The following SP4 variants were observed in gnomAD, a reference collection of about 807,000 sequenced individuals.
The protein encoded by SP4 is Sp4 transcription factor, also known as transcription factor Sp4.
SP4 carries 19 observed loss-of-function variants against 72.8 expected under a neutral mutation model. The observed-to-expected ratio is 0.26, with a 90% CI of 0.18 to 0.38. The LOEUF is 0.38. Ranked by LOEUF, SP4 falls within the 10% of genes least tolerant of loss-of-function variation. The pLI is 1.00. For missense variants in SP4, 1,008 were observed against 926.3 expected (o/e 1.09, Z -1.14); for synonymous variants, 395 against 333.1 (o/e 1.19, Z -2.02).
chr7:21,459,458 G>A (rs1375674408), intron 3 of SP4, among the ~76,000 whole-genome samples: 7 of 151,982 alleles, frequency 4.6e-5, no homozygotes, highest in Non-Finnish European at 8.8e-5. Context: ...AGCTTGCCAT[G>A]GTATATCAGA....
At chr7:21,495,765 A>G (rs1781690411) in intron 5 of SP4, among the ~76,000 whole-genome samples, 1 of 152,184 alleles carries the variant, frequency 6.6e-6, no homozygotes, top group Non-Finnish European at 1.5e-5. Flanking sequence ...AAGAGAAGTA[A>G]GAACTGTGTT....
chr7:21,491,392 G>A (rs1204707095), intron 5 of SP4, among the ~76,000 whole-genome samples: 1 of 152,022 alleles, frequency 6.6e-6, no homozygotes, highest in Non-Finnish European at 1.5e-5. Context: ...AGATTGGGGA[G>A]TCAGAAAAAA....
chr7:21,430,843 G>C lies in SP4; in HGVS notation c.1678G>C (p.Gly560Arg), dbSNP rs1782824871. ...TCCCGTTACAATCACTAGTGTTGCA[G>C]GTAAGTTCTGACATCTTTTTAAGTA... ...GVPVTITSVA[G>R]QQQGQDGVKV... is the part of the protein sequence containing the mutation. Residue 560 changes from glycine (G) to arginine (R), a missense_variant and splice_region_variant, in exon 3 of 6, where the codon GGT (glycine) becomes CGT (arginine). Physicochemically the swap from Gly to Arg is moderately radical, Grantham distance 125. This residue lies in a region of SP4 where 893 missense variants were observed against 743.3 expected (regional missense o/e 1.20). Transcript: ENST00000222584. 2 of 1,599,922 alleles carry C rather than the reference G, an allele frequency of 1.3e-6. No homozygotes were observed. The highest frequency in any genetic ancestry group is 1.3e-5 in the African/African-American group (1 of 74,546).
intron 3 of SP4, among the ~76,000 whole-genome samples, chr7:21,433,573 C>T (rs1236180046): frequency 6.6e-6 from 1 of 152,118 alleles, no homozygotes; most frequent in Non-Finnish European, 1.5e-5. Flanking sequence ...AGGAGTAATG[C>T]CTTGGAATGG....
intron 5 of SP4, among the ~76,000 whole-genome samples, chr7:21,499,396 A>C (rs565563955): frequency 2.0e-5 from 3 of 152,332 alleles, no homozygotes; most frequent in Admixed American, 6.5e-5. Flanking sequence ...ATACTGGATT[A>C]GGGTGGGCCC....
intron 3 of SP4, among the ~76,000 whole-genome samples, chr7:21,463,067 A>T (rs1334936703): frequency 6.6e-6 from 1 of 152,124 alleles, no homozygotes; most frequent in Middle Eastern, 3.2e-3. Context: ...GCACTGATAA[A>T]TAACTTTTCT....
Position 21,428,086 on chromosome 7 carries a change from G to A in SP4, c.-166G>A. 4.5e-6 allele frequency: 3 copies of A among 661,632 alleles called. No homozygotes were observed. The highest frequency in any genetic ancestry group is 1.8e-5 in the African/African-American group (1 of 56,052). 41.0% of individuals were successfully genotyped at this position (661,632 alleles called of 1,614,324 possible). ...CGGAGAGAGGAGCTGCTACGCCACA[G>A]CCCAGCGGCGGCCATTCGCGGAAAA... On this transcript the variant is annotated 5_prime_UTR_variant, in exon 1 of 6. Transcript: ENST00000222584.
chr7:21,490,853 G>A (rs189326847), intron 5 of SP4, among the ~76,000 whole-genome samples: 13 of 152,354 alleles, frequency 8.5e-5, no homozygotes, highest in Admixed American at 4.6e-4. Flanking sequence ...TTTGAAAAGT[G>A]AATTAATGTT....
In SP4 at chr7:21,430,605, T is replaced by G; in HGVS notation, c.1440T>G (p.Leu480=). The G allele has an allele frequency of 6.2e-7, 1 of 1,614,224 alleles. No homozygotes were observed. The highest frequency in any genetic ancestry group is 8.5e-7 in the Non-Finnish European group (1 of 1,180,042). ...TACAGGTTCAGAATATTCAGAGTCT[T>G]TCAAATTTGCAAGTTCAGAATGCTG... ...QTVQVQNIQS[L]SNLQVQNAGL... Residue 480 remains leucine (L), a synonymous_variant, in exon 3 of 6, where the codon CTT becomes CTG. Transcript: ENST00000222584.
At chr7:21,443,595 G>A (rs1783327744) in intron 3 of SP4, among the ~76,000 whole-genome samples, 2 of 152,276 alleles carry the variant, frequency 1.3e-5, no homozygotes, top group Middle Eastern at 3.4e-3. Context: ...TCACAGAAGC[G>A]GAGCTGCTTT....
intron 3 of SP4, among the ~76,000 whole-genome samples, chr7:21,461,045 CA>C (rs1685760751): frequency 6.6e-6 from 1 of 152,188 alleles, no homozygotes; most frequent in Non-Finnish European, 1.5e-5. Context: ...GAGCTAGATA[CA>C]GAGTGCTGAT....
chr7:21,445,372 C>G (rs1215055980), intron 3 of SP4, among the ~76,000 whole-genome samples: 4 of 152,112 alleles, frequency 2.6e-5, no homozygotes, highest in African/African-American at 4.8e-5. Context: ...CCCAGAGACC[C>G]TAAGAATTAG....
chr7:21,450,393 G>T (rs986755667), intron 3 of SP4, among the ~76,000 whole-genome samples: 2 of 152,112 alleles, frequency 1.3e-5, no homozygotes, highest in Non-Finnish European at 2.9e-5. Context: ...GGTGGGCATA[G>T]TAATATTGAG....
In SP4 at chr7:21,466,420, G is replaced by A. The variant is rs566086027; in HGVS notation, c.1679-10659G>A. 2.4e-4 allele frequency among the ~76,000 whole-genome samples: 37 copies of A among 152,228 alleles called. 1 individual carries two copies. The highest frequency in any genetic ancestry group is 8.4e-4 in the African/African-American group (35 of 41,552). ...CATATTCCAGACATTATGCTAAGAC[G>A]TGTGCTATATACACTATTTCAGTCA... On this transcript the variant is annotated intron_variant, in intron 3 of 5. Transcript: ENST00000222584.
intron 5 of SP4, among the ~76,000 whole-genome samples, chr7:21,498,438 G>T (rs116214691): frequency 0.011 from 1,698 of 152,244 alleles, 26 homozygotes; most frequent in African/African-American, 0.038. Context: ...ACTGGAAAAT[G>T]TAGGGTACTC....
intron 3 of SP4, among the ~76,000 whole-genome samples, chr7:21,472,898 C>T (rs1055128182): frequency 1.3e-5 from 2 of 152,098 alleles, no homozygotes; most frequent in Admixed American, 1.3e-4. Flanking sequence ...CGAGTGGTGT[C>T]AAATGCAGCA....
intron 2 of SP4, 22 bp downstream of exon 2, chr7:21,428,814 A>C: frequency 1.3e-6 from 2 of 1,533,334 alleles, no homozygotes; most frequent in African/African-American, 2.8e-5. Flanking sequence ...CAAATTAAAA[A>C]AATTCATCAC....
At chr7:21,458,495 A>G (rs532708091) in intron 3 of SP4, among the ~76,000 whole-genome samples, 3 of 152,316 alleles carry the variant, frequency 2.0e-5, no homozygotes, top group South Asian at 4.1e-4. Context: ...GTTTATGTCT[A>G]TAAATGAGTT....
At chr7:21,459,764 A>G (rs991518528) in intron 3 of SP4, among the ~76,000 whole-genome samples, 1 of 152,196 alleles carries the variant, frequency 6.6e-6, no homozygotes, top group East Asian at 1.9e-4. Flanking sequence ...CCTGTTTACT[A>G]ACTTTGTCCT....
Sources: gnomAD v4.1 joint callset for allele counts (sites outside exome capture counted in the v4.1 genomes callset) on GRCh38, gnomAD v4.1.1 for gene constraint, gnomAD v4.1.1 regional missense constraint, MANE v1.5 for transcripts, NCBI Gene and HGNC (gene_info 2026-07-23, HGNC 2026-07-21) for gene names.